Variants in CADPS observed in about 807,000 individuals in gnomAD.
CADPS encodes the protein calcium dependent secretion activator.
CADPS carries 57 observed loss-of-function variants against 167.3 expected under a neutral mutation model. The ratio of observed to expected loss-of-function variants is 0.34; its 90% CI spans 0.28 to 0.42. The LOEUF is 0.42. Among genes scored for constraint, CADPS ranks in the 20% least tolerant of loss-of-function variants. The probability of loss-of-function intolerance (pLI) is 1.00; values close to 1 mark genes in which losing one functional copy is unlikely to be tolerated. For synonymous variants in CADPS, 676 were observed against 635.3 expected, an observed-to-expected ratio of 1.06 and a Z score of -0.96; for missense variants, 1,414 against 1,738.1, an observed-to-expected ratio of 0.81 and a Z score of 3.32.
chr3:62,625,200 A>C (rs929705589), intron 6 of CADPS: 8 of 150,300 alleles, frequency 5.3e-5, no homozygotes, highest in African/African-American at 1.8e-4. Flanking sequence ...TTTAAAGACT[A>C]CACACATTAA....
At chr3:62,494,813 T>C (rs2064387611) in intron 18 of CADPS, among the ~76,000 whole-genome samples, 1 of 150,138 alleles carries the variant, frequency 6.7e-6, no homozygotes, top group South Asian at 2.1e-4. Context: ...GGCTAATTTT[T>C]TTTTGTTGTT....
At chr3:62,839,932 T>C (rs2076407916) in intron 1 of CADPS, among the ~76,000 whole-genome samples, 1 of 152,136 alleles carries the variant, frequency 6.6e-6, no homozygotes, top group Non-Finnish European at 1.5e-5. Flanking sequence ...GCATGGTGAT[T>C]TCACCATCTG....
chr3:62,696,559 G>C (rs1236490682), intron 3 of CADPS, among the ~76,000 whole-genome samples: 1 of 152,074 alleles, frequency 6.6e-6, no homozygotes, highest in African/African-American at 2.4e-5. Flanking sequence ...CTTAAACTAA[G>C]TTTAAATAAT....
chr3:62,689,251 C>T (rs2078648567), intron 3 of CADPS, among the ~76,000 whole-genome samples: 2 of 152,006 alleles, frequency 1.3e-5, no homozygotes, highest in South Asian at 2.1e-4. Context: ...TGCATTCCTC[C>T]ATTCCATTTA....
At chr3:62,824,512 A>G (rs1320195691) in intron 1 of CADPS, among the ~76,000 whole-genome samples, 5 of 152,158 alleles carry the variant, frequency 3.3e-5, no homozygotes. Flanking sequence ...GGTTGCATGC[A>G]GTGTCAAGAA....
chr3:62,771,238 T>G (rs1179971922), intron 1 of CADPS, among the ~76,000 whole-genome samples: 3 of 152,282 alleles, frequency 2.0e-5, no homozygotes, highest in Non-Finnish European at 4.4e-5. Context: ...CATGAGCCTA[T>G]TAAGGGCTTA....
At chr3:62,527,954 C>G (rs1027708963) in intron 13 of CADPS, among the ~76,000 whole-genome samples, 10 of 152,116 alleles carry the variant, frequency 6.6e-5, no homozygotes, top group African/African-American at 2.4e-4. Flanking sequence ...TGTGGTTTCC[C>G]CAATCCCAAA....
At chr3:62,492,904 G>C (rs1359995132) in intron 19 of CADPS, among the ~76,000 whole-genome samples, 1 of 151,896 alleles carries the variant, frequency 6.6e-6, no homozygotes, top group East Asian at 1.9e-4. Flanking sequence ...CTTGTCTATG[G>C]TCTCATACAA....
chr3:62,691,821 G>T lies in CADPS; in HGVS notation c.889-29427C>A, dbSNP rs577223948. Among the ~76,000 whole-genome samples, 26 of 152,168 alleles carry T rather than the reference G, an allele frequency of 1.7e-4. 2 individuals carry two copies. The South Asian group carries it at 5.0e-3, about 29-fold the overall frequency. On this transcript the variant is annotated intron_variant, in intron 3 of 29. Coordinates refer to ENST00000383710, the MANE Select transcript of CADPS (RefSeq NM_003716.4). ...AGAGTACCAGAAAGAATAGCTAAAAGATGCTGGGCTTAATACCTTGGTGAT... is the reference window on the plus strand; with the variant it reads ...AGAGTACCAGAAAGAATAGCTAAAATATGCTGGGCTTAATACCTTGGTGAT...
At chr3:62,549,463 TC>T (rs1380849683) in intron 11 of CADPS, among the ~76,000 whole-genome samples, 4 of 151,018 alleles carry the variant, frequency 2.6e-5, no homozygotes, top group African/African-American at 9.7e-5. Context: ...TTTTTTTTTT[TC>T]GCTGCATGTG....
chr3:62,473,018 G>A (rs1576503188), intron 24 of CADPS, among the ~76,000 whole-genome samples: 1 of 152,316 alleles, frequency 6.6e-6, no homozygotes, highest in East Asian at 1.9e-4. Flanking sequence ...ATTCTTGGGT[G>A]AGACTCAATG....
chr3:62,840,335 G>A (rs2076466331), intron 1 of CADPS, among the ~76,000 whole-genome samples: 2 of 151,890 alleles, frequency 1.3e-5, no homozygotes, highest in South Asian at 4.2e-4. Context: ...ACTATTAAAC[G>A]GCATTAAATT....
intron 1 of CADPS, among the ~76,000 whole-genome samples, chr3:62,771,237 A>G (rs1472337096): frequency 6.6e-6 from 1 of 152,186 alleles, no homozygotes; most frequent in East Asian, 1.9e-4. Flanking sequence ...ACATGAGCCT[A>G]TTAAGGGCTT....
At chr3:62,582,697 T>C (rs148206784) in intron 8 of CADPS, among the ~76,000 whole-genome samples, 196 of 152,338 alleles carry the variant, frequency 1.3e-3, no homozygotes, top group African/African-American at 4.5e-3. Flanking sequence ...TTCAGAGCTA[T>C]TTTAAGCTCT....
intron 6 of CADPS, among the ~76,000 whole-genome samples, chr3:62,594,725 G>C (rs764989983): frequency 6.6e-6 from 1 of 152,110 alleles, no homozygotes; most frequent in African/African-American, 2.4e-5. Context: ...TAGAGACCTA[G>C]CTGGGAGATC....
intron 1 of CADPS, among the ~76,000 whole-genome samples, chr3:62,816,329 G>T (rs933445162): frequency 6.6e-6 from 1 of 152,076 alleles, no homozygotes; most frequent in African/African-American, 2.4e-5. Flanking sequence ...CTTAGAGGTT[G>T]TCTCTCACTC....
intron 4 of CADPS, among the ~76,000 whole-genome samples, chr3:62,653,783 G>A (rs1160953516): frequency 2.0e-5 from 3 of 152,120 alleles, no homozygotes; most frequent in Admixed American, 6.6e-5. Context: ...AAAGAACACC[G>A]AGATTCTGCT....
At chr3:62,612,539 CT>C (rs2061646233) in intron 6 of CADPS, among the ~76,000 whole-genome samples, 1 of 152,172 alleles carries the variant, frequency 6.6e-6, no homozygotes, top group African/African-American at 2.4e-5. Flanking sequence ...GCTTCTGAAC[CT>C]TCTGATTCCA....
chr3:62,524,906 T>C (rs2071677807), intron 13 of CADPS, among the ~76,000 whole-genome samples: 1 of 152,212 alleles, frequency 6.6e-6, no homozygotes, highest in Admixed American at 6.5e-5. Flanking sequence ...GAATAAGGGA[T>C]GTGTTTCTTT....
Sources: gnomAD v4.1 joint callset for allele counts (sites outside exome capture counted in the v4.1 genomes callset) on GRCh38, gnomAD v4.1.1 for gene constraint, MANE v1.5 for transcripts, NCBI Gene and HGNC (gene_info 2026-07-23, HGNC 2026-07-21) for gene names.